The following RUNDC3A variants were observed in gnomAD, a reference collection of about 807,000 sequenced individuals.
RUNDC3A encodes RUN domain-containing protein 3A.
Under a neutral mutation model 53.9 loss-of-function variants are expected in RUNDC3A, and 28 were observed. That is an observed-to-expected ratio of 0.52 (90% CI 0.38 to 0.71). The LOEUF is 0.71. Among genes scored for constraint, RUNDC3A ranks in the 30% least tolerant of loss-of-function variants. RUNDC3A has a pLI of 0.00. For synonymous variants in RUNDC3A, 232 were observed against 249.4 expected (o/e 0.93, Z 0.66); for missense variants, 491 against 597.3 (o/e 0.82, Z 1.85).
Position 44,313,172 on chromosome 17 carries a change from C to T in RUNDC3A, c.292C>T (p.Arg98Trp). 3 of 1,614,056 alleles carry T rather than the reference C, an allele frequency of 1.9e-6. No homozygotes were observed. The highest frequency in any genetic ancestry group is 1.7e-6 in the Non-Finnish European group (2 of 1,179,910). ...GCAGCGGGGCTTTTGGGACTATATC[C>T]GGCTGGCCTGCAGCAAAGTGCCCAA... ...DGQRGFWDYI[R>W]LACSKVPNNC... The change falls in exon 3 of 11, where the codon CGG (arginine) becomes TGG (tryptophan). Residue 98 changes from arginine to tryptophan, a missense_variant. Physicochemically the swap from Arg to Trp is moderately radical, Grantham distance 101. This residue lies in a region of RUNDC3A where 273 missense variants were observed against 389.0 expected (regional missense o/e 0.70). Coordinates refer to ENST00000426726, the MANE Select transcript of RUNDC3A (RefSeq NM_001144825.2).
chr17:44,308,983 G>A (rs1567850877), intron 1 of RUNDC3A, 44 bp downstream of exon 1: 1 of 1,345,712 alleles, frequency 7.4e-7, no homozygotes, highest in Non-Finnish European at 1.0e-6. Context: ...TGAGGGAGAG[G>A]GGTTGGGGTG....
rs1237644225 is a variant in RUNDC3A at position 44,315,197 on chromosome 17, G to C, written c.672G>C (p.Glu224Asp). 1 of 1,556,872 alleles carries C rather than the reference G, an allele frequency of 6.4e-7. No individual in the cohort carries two copies. The highest frequency in any genetic ancestry group is 8.7e-7 in the Non-Finnish European group (1 of 1,150,160). ...ACGAGGAGGAGCGGCACAGCGCCGA[G>C]AGCAGCACGAGCGAGGACAACTCGC... ...LTDEEERHSA[E>D]SSTSEDNSPE... The change falls in exon 7 of 11, where the codon GAG becomes GAC. Residue 224 changes from glutamate (E) to aspartate (D), a missense_variant. Glu to Asp is a conservative substitution (Grantham distance 45). Transcript: ENST00000426726. This position sits in a 1 kb window ranked among gnomAD's most constrained non-coding sequence, Gnocchi z 6.1.
At chr17:44,317,738 C>G in intron 10 of RUNDC3A, 12 of 613,468 alleles carry the variant, frequency 2.0e-5, no homozygotes, top group Non-Finnish European at 2.9e-5. Context: ...GTGTGTCTGT[C>G]TCCCCCACCA....
chr17:44,316,455 A>T lies in RUNDC3A; in HGVS notation c.1024A>T (p.Asn342Tyr). The change falls in exon 9 of 11, where the codon AAT (asparagine) becomes TAT (tyrosine). Residue 342 changes from asparagine to tyrosine, a missense_variant. Physicochemically the swap from Asn to Tyr is moderately radical, Grantham distance 143. This residue lies in a region of RUNDC3A where 218 missense variants were observed against 208.2 expected (regional missense o/e 1.05). Coordinates refer to ENST00000426726, the MANE Select transcript of RUNDC3A (RefSeq NM_001144825.2). ...GSKELTTPLV[N>Y]QWPSLGTLNG... The stretch of plus-strand genomic sequence containing the variant: ...CAAGGAGCTCACTACACCCCTGGTC[A>T]ATCAATGGCCCTCACTGGGAACGCT... 1 of 1,613,746 alleles carries T rather than the reference A, an allele frequency of 6.2e-7. No individual in the cohort carries two copies. The highest frequency in any genetic ancestry group is 8.5e-7 in the Non-Finnish European group (1 of 1,179,870).
intron 4 of RUNDC3A, 50 bp from the exon 5 acceptor site, chr17:44,314,685 G>GGA (rs1567855232): frequency 1.6e-6 from 2 of 1,217,534 alleles, no homozygotes; most frequent in South Asian, 2.9e-5. Flanking sequence ...GGGGGGGGGG[G>GGA]GGGCGCTCCA....
chr17:44,318,474 T>A lies in RUNDC3A; in HGVS notation c.*236T>A, dbSNP rs2047920286. ...GGGTGCCCAAGCCACAGGGAGCCCC[T>A]GGGGAAGCCTGCTCCATTCTTCTGG... On this transcript the variant is annotated 3_prime_UTR_variant, in exon 11 of 11. Transcript: ENST00000426726. The A allele has an allele frequency of 4.6e-5, 25 of 543,868 alleles. No homozygotes were observed. The South Asian group carries it at 5.8e-4, about 13-fold the overall frequency. 33.7% of individuals were successfully genotyped at this position (543,868 alleles called of 1,614,324 possible). A position where few individuals can be genotyped will look rare whatever the true frequency, so the allele number is the denominator to read the frequency against.
rs780880931 is a variant in RUNDC3A at position 44,315,361 on chromosome 17, C to A, written c.795+41C>A. On this transcript the variant is annotated intron_variant, in intron 7 of 10. Coordinates refer to ENST00000426726, the MANE Select transcript of RUNDC3A (RefSeq NM_001144825.2). This position sits in a 1 kb window ranked among gnomAD's most constrained non-coding sequence, Gnocchi z 6.1. ...GGGCCCGGGGGGCGGGCGGGCCGGG[C>A]GGGGGATCCGGGCATCCCGGGGCGG... The A allele has an allele frequency of 8.9e-6, 5 of 564,282 alleles. No homozygotes were observed. The highest frequency in any genetic ancestry group is 6.3e-5 in the Admixed American group (1 of 15,850). 35.0% of individuals were successfully genotyped at this position (564,282 alleles called of 1,614,324 possible).
intron 4 of RUNDC3A, 25 bp from the exon 5 acceptor site, chr17:44,314,710 C>T: frequency 6.3e-7 from 1 of 1,580,716 alleles, no homozygotes; most frequent in Non-Finnish European, 8.6e-7. Flanking sequence ...CCTGCTGCAT[C>T]CTCTGGCCCT....
intron 10 of RUNDC3A, chr17:44,317,480 G>GC (rs2047891655): frequency 1.3e-6 from 1 of 780,710 alleles, no homozygotes. Context: ...CTCTTTGGCT[G>GC]CCAGGAAGCT....
At chr17:44,314,674 TGGGGGGG>T in intron 4 of RUNDC3A, 54 bp from the exon 5 acceptor site, 5 of 839,732 alleles carry the variant, frequency 6.0e-6, no homozygotes, top group African/African-American at 5.9e-5. Context: ...ATAGCAGCTC[TGGGGGGG>T]GGGGGGGCGC....
Position 44,315,600 on chromosome 17 carries a change from A to C in RUNDC3A, c.944A>C (p.Gln315Pro). ...RELEGVILEL[Q>P]EQLTGLIPSD... ...CTGGAAGGCGTGATCCTGGAGCTGCAGGAGCAGCTGTGAGCGCACGGCCTG... is the reference window on the plus strand; with the variant it reads ...CTGGAAGGCGTGATCCTGGAGCTGCCGGAGCAGCTGTGAGCGCACGGCCTG... The change falls in exon 8 of 11, where the codon CAG becomes CCG. Residue 315 changes from glutamine to proline, a missense_variant. Physicochemically the swap from Gln to Pro is moderately conservative, Grantham distance 76 (BLOSUM62 -1). Around this residue, in one of 2 missense-constraint regions of RUNDC3A, gnomAD observed 218 missense variants for 208.2 expected, o/e 1.05. Transcript: ENST00000426726. The surrounding 1 kb of genome is among the most constrained non-coding windows in gnomAD (Gnocchi z 6.1). 1 of 1,495,818 alleles carries C rather than the reference A, an allele frequency of 6.7e-7. No homozygotes were observed. Among genetic ancestry groups the C allele is most frequent in the Non-Finnish European group, 8.9e-7 (1 of 1,120,910 alleles). The allele number at this position is 1,495,818 out of a possible 1,614,324, so 92.7% of individuals were successfully genotyped here.
intron 10 of RUNDC3A, chr17:44,317,603 A>G (rs751954052): frequency 4.7e-5 from 36 of 771,650 alleles, no homozygotes; most frequent in Non-Finnish European, 7.3e-5. Flanking sequence ...AGTTCTCCCT[A>G]TGCCTGAATA....
intron 3 of RUNDC3A, 61 bp from the exon 4 acceptor site, chr17:44,313,357 A>G: frequency 6.2e-7 from 1 of 1,609,774 alleles, no homozygotes; most frequent in Non-Finnish European, 8.5e-7. Flanking sequence ...AAGGGCCCAC[A>G]CCTGATGCTG....
At chr17:44,309,569 T>C (rs1382243759) in intron 1 of RUNDC3A, among the ~76,000 whole-genome samples, 1 of 151,960 alleles carries the variant, frequency 6.6e-6, no homozygotes, top group Non-Finnish European at 1.5e-5. Flanking sequence ...GTTGGGAAGA[T>C]TCTCCGTGAT....
chr17:44,315,543 C>G lies in RUNDC3A; in HGVS notation c.887C>G (p.Ala296Gly), dbSNP rs550791513. The G allele has an allele frequency of 2.0e-6, 3 of 1,515,360 alleles. No individual in the cohort carries two copies. Among genetic ancestry groups the G allele is most frequent in the Admixed American group, 2.1e-5 (1 of 46,960 alleles). 93.9% of individuals were successfully genotyped at this position (1,515,360 alleles called of 1,614,324 possible). A position where few individuals can be genotyped will look rare whatever the true frequency, so the allele number is the denominator to read the frequency against. Residue 296 changes from alanine to glycine, a missense_variant, in exon 8 of 11, where the codon GCG becomes GGG. This residue lies in a region of RUNDC3A where 218 missense variants were observed against 208.2 expected (regional missense o/e 1.05). Coordinates refer to ENST00000426726, the MANE Select transcript of RUNDC3A (RefSeq NM_001144825.2). The surrounding 1 kb of genome is among the most constrained non-coding windows in gnomAD (Gnocchi z 6.1). ...NRRLQLQLEE[A>G]AAQNQREKRE... The stretch of plus-strand genomic sequence containing the variant: ...CGGCTTCAGCTGCAGCTGGAGGAGG[C>G]GGCGGCGCAGAACCAGCGCGAGAAA...
rs1265336557 is a variant in RUNDC3A, at chr17:44,315,442, C to G, written c.796-10C>G. ...CTCCCAGCCGCCCGGGCTGAGCCGG[C>G]GCCCCGCAGGGCTACCTGGAGGAGC... On this transcript the variant is annotated splice_polypyrimidine_tract_variant and intron_variant, in intron 7 of 10. Coordinates refer to ENST00000426726, the MANE Select transcript of RUNDC3A (RefSeq NM_001144825.2). This position sits in a 1 kb window ranked among gnomAD's most constrained non-coding sequence, Gnocchi z 6.1. 2 of 1,436,060 alleles carry G rather than the reference C, an allele frequency of 1.4e-6. No homozygotes were observed. The highest frequency in any genetic ancestry group is 2.9e-5 in the Admixed American group (1 of 34,290). The allele number at this position is 1,436,060 out of a possible 1,614,324, so 89.0% of individuals were successfully genotyped here. A position where few individuals can be genotyped will look rare whatever the true frequency, so the allele number is the denominator to read the frequency against.
chr17:44,313,009 G>A (rs1598325573), intron 2 of RUNDC3A, 95 bp from the exon 3 acceptor site: 5 of 1,359,562 alleles, frequency 3.7e-6, no homozygotes, highest in Non-Finnish European at 5.1e-6. Context: ...CTTTGTGGGA[G>A]GAGGCTGCTT....
At chr17:44,317,636 G>C (rs1291624499) in intron 10 of RUNDC3A, 3 of 727,006 alleles carry the variant, frequency 4.1e-6, no homozygotes, top group Non-Finnish European at 7.7e-6. Context: ...TTTTTTATAA[G>C]CAACCACACT....
At chr17:44,314,223 T>C in intron 4 of RUNDC3A, 1 of 1,004,598 alleles carries the variant, frequency 1.0e-6, no homozygotes, top group East Asian at 1.0e-4. Context: ...CCCTGCACTG[T>C]GGGTTCACAG....
Sources: allele counts gnomAD v4.1 joint callset (sites outside exome capture counted in the v4.1 genomes callset), GRCh38; gene constraint gnomAD v4.1.1; regional missense constraint gnomAD v4.1.1; non-coding constraint Gnocchi (gnomAD v3.1); transcripts MANE v1.5; gene names NCBI Gene and HGNC (gene_info 2026-07-23, HGNC 2026-07-21).